The following TMEM132C variants were observed in gnomAD, a reference collection of about 807,000 sequenced individuals.
TMEM132C encodes protein phosphatase 1, regulatory subunit 152.
A neutral mutation model predicts 61.4 loss-of-function variants in TMEM132C; 29 were observed. That is an observed-to-expected ratio of 0.47 (90% CI 0.35 to 0.64). TMEM132C has a LOEUF of 0.64. Among genes scored for constraint, TMEM132C ranks in the 30% least tolerant of loss-of-function variants. The pLI is 0.00. For synonymous variants in TMEM132C, 656 were observed against 633.1 expected (o/e 1.04, Z -0.54); for missense variants, 1,408 against 1,476.9 (o/e 0.95, Z 0.76).
chr12:128,661,887 A>G (rs1954394578), intron 4 of TMEM132C, among the ~76,000 whole-genome samples: 1 of 152,244 alleles, frequency 6.6e-6, no homozygotes, highest in African/African-American at 2.4e-5. Context: ...GTGCTTTTGT[A>G]TAAAACATAA....
chr12:128,600,600 A>C (rs909416473), intron 3 of TMEM132C, among the ~76,000 whole-genome samples: 4 of 152,292 alleles, frequency 2.6e-5, no homozygotes, highest in African/African-American at 7.2e-5. Flanking sequence ...CACAGGGGGC[A>C]TGGAGGGACA....
intron 2 of TMEM132C, among the ~76,000 whole-genome samples, chr12:128,513,083 G>GTTCA (rs1872617044): frequency 6.6e-6 from 1 of 152,148 alleles, no homozygotes; most frequent in Non-Finnish European, 1.5e-5. Context: ...GCTCAGAAGA[G>GTTCA]GGGAAGACAG....
intron 2 of TMEM132C, among the ~76,000 whole-genome samples, chr12:128,423,284 G>A (rs1296362907): frequency 1.6e-4 from 24 of 152,094 alleles, no homozygotes. Context: ...TGGGGTATGG[G>A]GACCTCCTGG....
At chr12:128,441,022 CAA>C (rs1323254104) in intron 2 of TMEM132C, among the ~76,000 whole-genome samples, 3 of 152,124 alleles carry the variant, frequency 2.0e-5, no homozygotes, top group African/African-American at 7.2e-5. Context: ...GCATGGGCGA[CAA>C]GAGCGAAACT....
intron 5 of TMEM132C, among the ~76,000 whole-genome samples, chr12:128,674,714 G>A (rs1379208432): frequency 6.6e-6 from 1 of 152,042 alleles, no homozygotes; most frequent in Admixed American, 6.6e-5. Context: ...CGTACAGGTG[G>A]TATTTGGTTA....
chr12:128,283,628 T>C (rs1870968929), intron 1 of TMEM132C, among the ~76,000 whole-genome samples: 1 of 152,192 alleles, frequency 6.6e-6, no homozygotes, highest in Non-Finnish European at 1.5e-5. Context: ...TACCTATGCC[T>C]CCAGCCATCT....
At chr12:128,426,081 C>T (rs930438165) in intron 2 of TMEM132C, among the ~76,000 whole-genome samples, 1 of 152,234 alleles carries the variant, frequency 6.6e-6, no homozygotes, top group African/African-American at 2.4e-5. Context: ...CCACATGCCC[C>T]TTGGCAACAC....
At chr12:128,662,787 A>C (rs2135622130) in intron 4 of TMEM132C, among the ~76,000 whole-genome samples, 1 of 152,184 alleles carries the variant, frequency 6.6e-6, no homozygotes, top group South Asian at 2.1e-4. Context: ...CTTGACTCCC[A>C]GCCACATGGA....
chr12:128,555,888 T>C (rs1874315986), intron 3 of TMEM132C, among the ~76,000 whole-genome samples: 2 of 152,036 alleles, frequency 1.3e-5, no homozygotes, highest in South Asian at 2.1e-4. Flanking sequence ...CTAGTTTTTG[T>C]TTTTTTGTGT....
intron 4 of TMEM132C, among the ~76,000 whole-genome samples, chr12:128,641,667 G>A (rs530755614): frequency 1.7e-4 from 26 of 152,290 alleles, no homozygotes; most frequent in East Asian, 9.7e-4. Flanking sequence ...CACCTTGATC[G>A]TGGACCTCCA....
At chr12:128,450,268 T>A (rs980650139) in intron 2 of TMEM132C, among the ~76,000 whole-genome samples, 1 of 152,194 alleles carries the variant, frequency 6.6e-6, no homozygotes, top group Admixed American at 6.5e-5. Flanking sequence ...GGCTATCATA[T>A]TGGATAGCAG....
At chr12:128,581,160 T>C (rs1875319740) in intron 3 of TMEM132C, among the ~76,000 whole-genome samples, 1 of 152,056 alleles carries the variant, frequency 6.6e-6, no homozygotes, top group Non-Finnish European at 1.5e-5. Flanking sequence ...GGAGCAGATA[T>C]AAAGTCACTG....
At chr12:128,504,482 A>G (rs1425494652) in intron 2 of TMEM132C, among the ~76,000 whole-genome samples, 1 of 152,200 alleles carries the variant, frequency 6.6e-6, no homozygotes, top group Admixed American at 6.5e-5. Context: ...AGATGATACC[A>G]TAGTCTGGGC....
chr12:128,461,141 T>A (rs991785340), intron 2 of TMEM132C, among the ~76,000 whole-genome samples: 2 of 152,330 alleles, frequency 1.3e-5, no homozygotes, highest in Admixed American at 6.5e-5. Context: ...GTGTGTAACT[T>A]GCACCTCAAA....
At chr12:128,365,228 C>G (rs1379204166) in intron 1 of TMEM132C, among the ~76,000 whole-genome samples, 1 of 152,116 alleles carries the variant, frequency 6.6e-6, no homozygotes, top group Non-Finnish European at 1.5e-5. Context: ...TTGTTTGGTT[C>G]CCTTTGCCCC....
At chr12:128,358,451 C>G (rs1873587811) in intron 1 of TMEM132C, among the ~76,000 whole-genome samples, 1 of 151,246 alleles carries the variant, frequency 6.6e-6, no homozygotes, top group Non-Finnish European at 1.5e-5. Flanking sequence ...GTAGCAAATA[C>G]TATGAAGCAG....
At chr12:128,585,360 G>C (rs536289945) in intron 3 of TMEM132C, among the ~76,000 whole-genome samples, 1 of 148,684 alleles carries the variant, frequency 6.7e-6, no homozygotes. Context: ...CTATGACCCA[G>C]CCATTCTTGC....
intron 1 of TMEM132C, among the ~76,000 whole-genome samples, chr12:128,402,241 G>T (rs1875186027): frequency 6.6e-6 from 1 of 152,132 alleles, no homozygotes; most frequent in Admixed American, 6.5e-5. Flanking sequence ...GTTTGTTTTA[G>T]CTTTTATTTT....
chr12:128,313,247 A>G (rs936403968), intron 1 of TMEM132C, among the ~76,000 whole-genome samples: 2 of 152,214 alleles, frequency 1.3e-5, no homozygotes, highest in African/African-American at 4.8e-5. Context: ...TCTGCTGTCT[A>G]TCTCCTGCAC....
Sources: allele counts gnomAD v4.1 joint callset (sites outside exome capture counted in the v4.1 genomes callset), GRCh38; gene constraint gnomAD v4.1.1; transcripts MANE v1.5; gene names NCBI Gene and HGNC (gene_info 2026-07-23, HGNC 2026-07-21).